The following TRABD2B variants were observed in gnomAD, a reference collection of about 807,000 sequenced individuals.
The protein encoded by TRABD2B is TraB domain containing 2B.
In TRABD2B, 14 loss-of-function variants were observed where a neutral mutation model predicts 40.1. The observed-to-expected ratio is 0.35, with a 90% CI of 0.23 to 0.55. TRABD2B has a LOEUF of 0.55. TRABD2B is among the 20% of genes least tolerant of loss of function. The pLI is 0.90. For synonymous variants in TRABD2B, 263 were observed against 277.0 expected (o/e 0.95, Z 0.50); for missense variants, 541 against 648.6 (o/e 0.83, Z 1.80).
intron 2 of TRABD2B, among the ~76,000 whole-genome samples, chr1:47,875,196 T>C (rs1473260050): frequency 6.6e-6 from 1 of 151,828 alleles, no homozygotes; most frequent in Non-Finnish European, 1.5e-5. Context: ...TAGGAAACAG[T>C]CTGTTCCAAG....
At chr1:47,927,651 G>A (rs578226086) in intron 2 of TRABD2B, among the ~76,000 whole-genome samples, 2 of 152,318 alleles carry the variant, frequency 1.3e-5, no homozygotes, top group African/African-American at 4.8e-5. Flanking sequence ...AAATATGGGG[G>A]CCATCCATTA....
intron 1 of TRABD2B, among the ~76,000 whole-genome samples, chr1:47,995,115 A>G (rs1289439803): frequency 2.0e-5 from 3 of 152,216 alleles, no homozygotes; most frequent in Admixed American, 6.5e-5. Context: ...GAAGTCATAT[A>G]ACTTTTAAAT....
At chr1:47,951,804 G>A (rs1002001518) in intron 2 of TRABD2B, among the ~76,000 whole-genome samples, 12 of 152,180 alleles carry the variant, frequency 7.9e-5, no homozygotes, top group African/African-American at 2.9e-4. Context: ...GACAGCAGTG[G>A]CCCATGCTTC....
chr1:47,848,907 T>C (rs924134313), intron 2 of TRABD2B, among the ~76,000 whole-genome samples: 3 of 152,220 alleles, frequency 2.0e-5, no homozygotes, highest in Non-Finnish European at 4.4e-5. Context: ...TATTAGGCTA[T>C]CTTCCCTATG....
chr1:47,909,802 T>TCCCCCCCCCCCCCCCCCCCCCCCC (rs1644736396), intron 2 of TRABD2B, among the ~76,000 whole-genome samples: 1 of 74,274 alleles, frequency 1.3e-5, no homozygotes, highest in African/African-American at 6.5e-5. Flanking sequence ...CCCCCCCCCT[T>TCCCCCCCCCCCCCCCCCCCCCCCC]CCTCCCTTCC....
chr1:47,908,364 G>C, intron 2 of TRABD2B, among the ~76,000 whole-genome samples: 1 of 152,112 alleles, frequency 6.6e-6, no homozygotes. Flanking sequence ...GAAAAAAAGA[G>C]GATTTTTAAA....
chr1:47,992,953 A>G (rs1413534973), intron 2 of TRABD2B, among the ~76,000 whole-genome samples: 1 of 152,234 alleles, frequency 6.6e-6, no homozygotes, highest in African/African-American at 2.4e-5. Context: ...TTCCCTTGGA[A>G]AAACAAAGGC....
At chr1:47,796,677 A>G (rs139908182) in intron 3 of TRABD2B, among the ~76,000 whole-genome samples, 1 of 152,362 alleles carries the variant, frequency 6.6e-6, no homozygotes, top group African/African-American at 2.4e-5. Context: ...GAACAAGACA[A>G]TAATATGGCT....
chr1:47,802,899 C>T (rs1296611972), intron 2 of TRABD2B, among the ~76,000 whole-genome samples: 1 of 152,170 alleles, frequency 6.6e-6, no homozygotes, highest in African/African-American at 2.4e-5. Flanking sequence ...GGCTAAAGGG[C>T]TAGCTCTTGA....
At chr1:47,966,286 GC>G (rs56998238) in intron 2 of TRABD2B, among the ~76,000 whole-genome samples, 36,490 of 152,072 alleles carry the variant, frequency 0.24, 4,533 homozygotes, top group East Asian at 0.27. Context: ...AGGCAGCCTG[GC>G]CACGCTTGTC....
rs1646098464 is a variant in TRABD2B at position 47,996,744 on chromosome 1, T to C, written c.46A>G (p.Thr16Ala). Residue 16 changes from threonine to alanine, a missense_variant, in exon 1 of 7, where the codon ACC (threonine) becomes GCC (alanine). Physicochemically the swap from Thr to Ala is moderately conservative, Grantham distance 58. This residue lies in a region of TRABD2B where 369 missense variants were observed against 492.8 expected (regional missense o/e 0.75). Coordinates refer to ENST00000606738, the MANE Select transcript of TRABD2B (RefSeq NM_001194986.2). The surrounding 1 kb of genome is among the most constrained non-coding windows in gnomAD (Gnocchi z 4.6). ...AGPLLAALLA[T>A]ARARPQPPDG... Reference sequence around the variant, plus strand: ...GGGGGCTGCGGGCGGGCGCGAGCGGTGGCGAGGAGGGCGGCGAGCAGCGGC... The same window carrying C: ...GGGGGCTGCGGGCGGGCGCGAGCGGCGGCGAGGAGGGCGGCGAGCAGCGGC... 1.6e-6 allele frequency: 2 copies of C among 1,222,970 alleles called. No homozygotes were observed. The highest frequency in any genetic ancestry group is 2.0e-6 in the Non-Finnish European group (2 of 982,292). The allele number at this position is 1,222,970 out of a possible 1,614,324, so 75.8% of individuals were successfully genotyped here. A position where few individuals can be genotyped will look rare whatever the true frequency, so the allele number is the denominator to read the frequency against.
intron 2 of TRABD2B, among the ~76,000 whole-genome samples, chr1:47,834,293 C>G (rs1645288944): frequency 6.6e-6 from 1 of 152,180 alleles, no homozygotes; most frequent in Non-Finnish European, 1.5e-5. Flanking sequence ...ACAGCTGGAT[C>G]ATACAAGAGA....
rs146685261 is a variant in TRABD2B, at chr1:47,769,801, C to T, written c.1350-3695G>A. 4.0e-3 allele frequency among the ~76,000 whole-genome samples: 616 copies of T among 152,326 alleles called. 4 individuals carry two copies. The highest frequency in any genetic ancestry group is 0.016 in the South Asian group (76 of 4,828). On this transcript the variant is annotated intron_variant, in intron 6 of 6. Transcript: ENST00000606738. The stretch of plus-strand genomic sequence containing the variant: ...GCAGAAGGCAGAAGCCTGGCTCTAG[C>T]CTGTAGTGCGTTCCTGGCTTGCTGT...
intron 4 of TRABD2B, among the ~76,000 whole-genome samples, chr1:47,792,092 G>A (rs1644681404): frequency 6.6e-6 from 1 of 152,224 alleles, no homozygotes; most frequent in African/African-American, 2.4e-5. Flanking sequence ...GCTGAGCCAG[G>A]AGAAGTGGCA....
chr1:47,903,713 G>A (rs1182503647), intron 2 of TRABD2B, among the ~76,000 whole-genome samples: 1 of 152,218 alleles, frequency 6.6e-6, no homozygotes, highest in Non-Finnish European at 1.5e-5. Context: ...TTGCAGGCAG[G>A]TGGAGGAGTT....
rs1344304657 is a variant in TRABD2B at position 47,962,077 on chromosome 1, G to A, written c.666+31957C>T. On this transcript the variant is annotated intron_variant, in intron 2 of 6. Transcript: ENST00000606738. The stretch of plus-strand genomic sequence containing the variant: ...TGTCCTTTGTAGGGACATGGATGAA[G>A]CTGGAAACCATCATTCTCAGCAAAC... Among the ~76,000 whole-genome samples the A allele has an allele frequency of 2.0e-5, 3 of 152,066 alleles. No homozygotes were observed. In the East Asian group the frequency reaches 5.8e-4, roughly 29 times the overall value.
chr1:47,868,673 T>A (rs1392114030), intron 2 of TRABD2B, among the ~76,000 whole-genome samples: 1 of 151,900 alleles, frequency 6.6e-6, no homozygotes, highest in Admixed American at 6.6e-5. Flanking sequence ...CACTAAACCA[T>A]CCCCTCCACC....
chr1:47,978,654 G>A (rs914162665), intron 2 of TRABD2B, among the ~76,000 whole-genome samples: 1 of 152,152 alleles, frequency 6.6e-6, no homozygotes, highest in Non-Finnish European at 1.5e-5. Flanking sequence ...GAATCCCAGC[G>A]ATGATGAGAG....
At chr1:47,926,257 A>C (rs1644967396) in intron 2 of TRABD2B, among the ~76,000 whole-genome samples, 1 of 152,240 alleles carries the variant, frequency 6.6e-6, no homozygotes. Flanking sequence ...ACCATGTCAC[A>C]GAGGAAAAGG....
Sources: allele counts gnomAD v4.1 joint callset (sites outside exome capture counted in the v4.1 genomes callset), GRCh38; gene constraint gnomAD v4.1.1; regional missense constraint gnomAD v4.1.1; non-coding constraint Gnocchi (gnomAD v3.1); transcripts MANE v1.5; gene names NCBI Gene and HGNC (gene_info 2026-07-23, HGNC 2026-07-21).